Variants in MAGI3 observed in about 807,000 individuals in gnomAD.
MAGI3 encodes membrane-associated guanylate kinase, WW and PDZ domain-containing protein 3.
A neutral mutation model predicts 121.8 loss-of-function variants in MAGI3; 43 were observed. That is an observed-to-expected ratio of 0.35 (90% CI 0.28 to 0.46). MAGI3 has a LOEUF of 0.46. MAGI3 is among the 20% of genes least tolerant of loss of function. The pLI, the probability that MAGI3 is intolerant of heterozygous loss-of-function variation, is 1.00. For synonymous variants in MAGI3, 553 were observed against 639.3 expected (o/e 0.86, Z 2.04); for missense variants, 1,547 against 1,797.3 (o/e 0.86, Z 2.52).
chr1:113,635,556 T>C (rs1651954453), intron 9 of MAGI3, among the ~76,000 whole-genome samples: 1 of 152,166 alleles, frequency 6.6e-6, no homozygotes, highest in Non-Finnish European at 1.5e-5. Context: ...TGAACCAGTC[T>C]TGCATCCCAG....
chr1:113,510,133 G>A (rs1029676286), intron 1 of MAGI3, among the ~76,000 whole-genome samples: 1 of 152,072 alleles, frequency 6.6e-6, no homozygotes, highest in African/African-American at 2.4e-5. Flanking sequence ...GAGAGTTATG[G>A]TTTCTGTTGT....
chr1:113,571,578 T>C (rs1373505990), intron 2 of MAGI3, among the ~76,000 whole-genome samples: 2 of 152,166 alleles, frequency 1.3e-5, no homozygotes, highest in Non-Finnish European at 2.9e-5. Context: ...TGAGCAGTGG[T>C]TTGTAGTTCT....
At chr1:113,400,690 T>G (rs1651354446) in intron 1 of MAGI3, among the ~76,000 whole-genome samples, 2 of 152,294 alleles carry the variant, frequency 1.3e-5, no homozygotes, top group South Asian at 2.1e-4. Flanking sequence ...GAATTGTATC[T>G]CAATCCAACT....
At chr1:113,525,525 A>C (rs1434408075) in intron 1 of MAGI3, among the ~76,000 whole-genome samples, 3 of 151,838 alleles carry the variant, frequency 2.0e-5, no homozygotes, top group Admixed American at 2.0e-4. Flanking sequence ...TAAATAATTA[A>C]ATGATAGTAA....
Position 113,653,862 on chromosome 1 carries a change from T to A in MAGI3, c.2473T>A (p.Phe825Ile). Residue 825 changes from phenylalanine to isoleucine, a missense_variant, in exon 15 of 21, where the codon TTC (phenylalanine) becomes ATC (isoleucine). Transcript: ENST00000307546. ...ACCCGAGGACGACAGCTCTCAGGCC[T>A]TCATTTCAACACAGAATGGATCTCC... Reference protein sequence around the residue: ...KQPEDDSSQAFISTQNGSPRL... With the variant: ...KQPEDDSSQAIISTQNGSPRL... 1 of 1,610,324 alleles carries A rather than the reference T, an allele frequency of 6.2e-7. No individual in the cohort carries two copies. Among genetic ancestry groups the A allele is most frequent in the Non-Finnish European group, 8.5e-7 (1 of 1,178,562 alleles).
At chr1:113,506,093 G>A (rs956561857) in intron 1 of MAGI3, among the ~76,000 whole-genome samples, 7 of 152,172 alleles carry the variant, frequency 4.6e-5, no homozygotes, top group African/African-American at 1.7e-4. Flanking sequence ...TTGCTCTGGA[G>A]TAGGCAAGAG....
In MAGI3 at chr1:113,590,544, A is replaced by G. The variant is rs879015782; in HGVS notation, c.824A>G (p.Gln275Arg). Residue 275 changes from glutamine to arginine, a missense_variant, in exon 5 of 21, where the codon CAA (glutamine) becomes CGA (arginine). Physicochemically the swap from Gln to Arg is conservative, Grantham distance 43 (BLOSUM62 1). Transcript: ENST00000307546. ...ATGAAGACTGTTCCAAGTTACAACC[A>G]AACAAATAGCTCCATGGACTTTAGA... ...DWMKTVPSYN[Q>R]TNSSMDFRNY... 3 of 1,613,714 alleles carry G rather than the reference A, an allele frequency of 1.9e-6. No individual in the cohort carries two copies. The highest frequency in any genetic ancestry group is 2.2e-5 in the South Asian group (2 of 91,076).
At chr1:113,474,951 TC>T (rs1655737377) in intron 1 of MAGI3, among the ~76,000 whole-genome samples, 1 of 152,242 alleles carries the variant, frequency 6.6e-6, no homozygotes, top group Admixed American at 6.5e-5. Flanking sequence ...AAGAGGTCCT[TC>T]ACATCCCTTG....
intron 2 of MAGI3, among the ~76,000 whole-genome samples, chr1:113,558,362 C>T (rs6671518): frequency 0.065 from 9,871 of 152,188 alleles, 364 homozygotes; most frequent in Non-Finnish European, 0.074. Flanking sequence ...TAGAGAGGAA[C>T]ATAACCCCCT....
chr1:113,473,032 A>T (rs1309243261), intron 1 of MAGI3, among the ~76,000 whole-genome samples: 2 of 152,230 alleles, frequency 1.3e-5, no homozygotes, highest in Non-Finnish European at 2.9e-5. Flanking sequence ...ATTTGAATTT[A>T]TAGTAACTTT....
At chr1:113,562,959 C>G (rs1409696250) in intron 2 of MAGI3, among the ~76,000 whole-genome samples, 1 of 152,090 alleles carries the variant, frequency 6.6e-6, no homozygotes, top group Non-Finnish European at 1.5e-5. Flanking sequence ...GGGAACATTT[C>G]CCAACTCATT....
chr1:113,512,132 CAA>C (rs959550838), intron 1 of MAGI3, among the ~76,000 whole-genome samples: 5 of 152,008 alleles, frequency 3.3e-5, no homozygotes, highest in Non-Finnish European at 7.4e-5. Context: ...TAGGGCAAGA[CAA>C]AATGGGTAAA....
chr1:113,390,801 C>T lies in MAGI3; in HGVS notation c.-233C>T. ...CTTCAGCCTAACCCGCGGTGGCCCT[C>T]GCGGAGTCCGGTCAGCCCCGGGGAG... On this transcript the variant is annotated 5_prime_UTR_variant, in exon 1 of 21. Coordinates refer to ENST00000307546, the MANE Select transcript of MAGI3 (RefSeq NM_001142782.2). The T allele has an allele frequency of 4.2e-6, 1 of 235,834 alleles. No individual in the cohort carries two copies. The highest frequency in any genetic ancestry group is 7.5e-5 in the East Asian group (1 of 13,416). 14.6% of individuals were successfully genotyped at this position (235,834 alleles called of 1,614,324 possible).
At chr1:113,456,167 A>G (rs1025335292) in intron 1 of MAGI3, among the ~76,000 whole-genome samples, 4 of 120,002 alleles carry the variant, frequency 3.3e-5, no homozygotes, top group Non-Finnish European at 6.6e-5. Context: ...GGATTTCACC[A>G]TGTTAACCAG....
rs528619956 is a variant in MAGI3, at chr1:113,683,086, C to T, written c.3518C>T (p.Thr1173Ile). 6.2e-7 allele frequency: 1 copy of T among 1,613,036 alleles called. No individual in the cohort carries two copies. The highest frequency in any genetic ancestry group is 1.7e-5 in the Admixed American group (1 of 59,816). The change falls in exon 21 of 21, where the codon ACT becomes ATT. Residue 1173 changes from threonine to isoleucine, a missense_variant. Coordinates refer to ENST00000307546, the MANE Select transcript of MAGI3 (RefSeq NM_001142782.2). ...LKDIVPEKKS[T>I]LNENQPEIKH... is the part of the protein sequence containing the mutation. ...GACATTGTGCCTGAAAAGAAAAGCA[C>T]TTTAAATGAAAATCAGCCTGAGATA... is the stretch of plus-strand genomic sequence containing the variant.
chr1:113,392,979 G>A (rs1031886764), intron 1 of MAGI3, among the ~76,000 whole-genome samples: 10 of 152,104 alleles, frequency 6.6e-5, no homozygotes, highest in African/African-American at 1.7e-4. Flanking sequence ...GTTTTGATTC[G>A]TTAGGGCATA....
intron 1 of MAGI3, among the ~76,000 whole-genome samples, chr1:113,418,367 A>G (rs61817539): frequency 6.6e-4 from 100 of 152,182 alleles, no homozygotes; most frequent in Non-Finnish European, 1.2e-3. Context: ...TTGGTTGCTT[A>G]CTTTTCTCTG....
chr1:113,683,673 A>G lies in MAGI3; in HGVS notation c.4105A>G (p.Lys1369Glu). Residue 1369 changes from lysine (K) to glutamate (E), a missense_variant, in exon 21 of 21, where the codon AAA (lysine) becomes GAA (glutamate). Physicochemically the swap from Lys to Glu is moderately conservative, Grantham distance 56. Transcript: ENST00000307546. ...AATGGTTGAGAAATCTCTTCCATCC[A>G]AAATGACTAATAAGACTACAAGTAA... ...KRMVEKSLPS[K>E]MTNKTTSKEV... 6.2e-7 allele frequency: 1 copy of G among 1,607,056 alleles called. No homozygotes were observed. The highest frequency in any genetic ancestry group is 8.5e-7 in the Non-Finnish European group (1 of 1,176,578).
intron 1 of MAGI3, among the ~76,000 whole-genome samples, chr1:113,441,385 G>A (rs554418191): frequency 6.6e-5 from 10 of 152,192 alleles, no homozygotes; most frequent in South Asian, 2.1e-4. Flanking sequence ...CTCTTGCTGC[G>A]TTGCCAGTGA....
Sources: gnomAD v4.1 joint callset for allele counts (sites outside exome capture counted in the v4.1 genomes callset) on GRCh38, gnomAD v4.1.1 for gene constraint, MANE v1.5 for transcripts, NCBI Gene and HGNC (gene_info 2026-07-23, HGNC 2026-07-21) for gene names.